NALCN: variants seen among roughly 807,000 people sequenced by gnomAD.
The protein encoded by NALCN is sodium leak channel NALCN.
In NALCN, 111 loss-of-function variants were observed where a neutral mutation model predicts 225.3. That is an observed-to-expected ratio of 0.49 (90% confidence interval 0.42 to 0.58). The LOEUF (loss-of-function observed/expected upper bound fraction) is 0.58. NALCN is among the 20% of genes least tolerant of loss of function. The probability of loss-of-function intolerance (pLI) is 0.00; values close to 1 mark genes in which losing one functional copy is unlikely to be tolerated. For missense variants in NALCN, 1,378 were observed against 2,202.4 expected (o/e 0.63, Z 7.49); for synonymous variants, 764 against 769.0 (o/e 0.99, Z 0.11).
intron 15 of NALCN, among the ~76,000 whole-genome samples, chr13:101,157,014 T>G (rs1211012368): frequency 6.6e-6 from 1 of 152,152 alleles, no homozygotes; most frequent in African/African-American, 2.4e-5. Context: ...ATCCACATAT[T>G]TTATTAAAAA....
At chr13:101,181,579 A>AC (rs1157896561) in intron 14 of NALCN, among the ~76,000 whole-genome samples, 1 of 142,086 alleles carries the variant, frequency 7.0e-6, no homozygotes, top group African/African-American at 2.5e-5. Context: ...CAAAAAAAAA[A>AC]AAAACAAAAA....
chr13:101,160,013 G>A (rs916056758), intron 15 of NALCN, among the ~76,000 whole-genome samples: 9 of 152,010 alleles, frequency 5.9e-5, no homozygotes, highest in South Asian at 2.1e-4. Context: ...GAAGTGCAGC[G>A]GTGCGATCTC....
chr13:101,139,278 T>G (rs1045031475), intron 17 of NALCN, among the ~76,000 whole-genome samples: 1 of 152,210 alleles, frequency 6.6e-6, no homozygotes, highest in East Asian at 1.9e-4. Context: ...TAATGTGCTT[T>G]TGTGTTTTCT....
intron 13 of NALCN, among the ~76,000 whole-genome samples, chr13:101,215,589 G>T (rs1304131457): frequency 1.3e-5 from 2 of 152,186 alleles, no homozygotes; most frequent in East Asian, 3.9e-4. Context: ...TCAGAGGGTT[G>T]TTCCTTAGGG....
intron 17 of NALCN, among the ~76,000 whole-genome samples, chr13:101,139,796 C>G (rs746944708): frequency 6.6e-6 from 1 of 152,122 alleles, no homozygotes; most frequent in Non-Finnish European, 1.5e-5. Context: ...TTTTAAGTGG[C>G]TTTCGGGTTT....
chr13:101,311,228 T>C (rs1459700203), intron 7 of NALCN, among the ~76,000 whole-genome samples: 5 of 151,552 alleles, frequency 3.3e-5, no homozygotes, highest in Non-Finnish European at 7.4e-5. Context: ...GAGACTTTGC[T>C]GAAGTTGCTT....
At chr13:101,136,559 G>GT (rs1425638117) in intron 17 of NALCN, among the ~76,000 whole-genome samples, 3 of 151,358 alleles carry the variant, frequency 2.0e-5, no homozygotes, top group African/African-American at 4.9e-5. Flanking sequence ...GCAGTATTTG[G>GT]TTTTTTGTCC....
chr13:101,271,520 T>C (rs1566511698), intron 10 of NALCN, among the ~76,000 whole-genome samples: 1 of 152,152 alleles, frequency 6.6e-6, no homozygotes, highest in East Asian at 1.9e-4. Context: ...TAACCATTTT[T>C]ATATTCACTT....
intron 10 of NALCN, among the ~76,000 whole-genome samples, chr13:101,270,118 T>C (rs1188178310): frequency 6.6e-6 from 1 of 152,242 alleles, no homozygotes; most frequent in Non-Finnish European, 1.5e-5. Context: ...TGATGTTTTA[T>C]ATTTTTCTCA....
At chr13:101,347,655 G>T (rs1291112644) in intron 6 of NALCN, among the ~76,000 whole-genome samples, 2 of 152,090 alleles carry the variant, frequency 1.3e-5, no homozygotes, top group Non-Finnish European at 2.9e-5. Flanking sequence ...TCAGAGTGAG[G>T]CTTTCTGGGT....
At chr13:101,251,348 T>C (rs545595268) in intron 11 of NALCN, among the ~76,000 whole-genome samples, 1 of 152,122 alleles carries the variant, frequency 6.6e-6, no homozygotes, top group Non-Finnish European at 1.5e-5. Flanking sequence ...TACTTCATAC[T>C]ATTATAAAGC....
At chr13:101,254,705 A>C (rs1251175788) in intron 11 of NALCN, among the ~76,000 whole-genome samples, 3 of 81,080 alleles carry the variant, frequency 3.7e-5, no homozygotes, top group Admixed American at 3.3e-4. Flanking sequence ...TCCCGGCTAA[A>C]ACGGTGAAAC....
intron 15 of NALCN, among the ~76,000 whole-genome samples, chr13:101,157,345 A>G (rs1040509820): frequency 1.3e-5 from 2 of 152,200 alleles, no homozygotes; most frequent in African/African-American, 4.8e-5. Context: ...CCATTCTCCA[A>G]TAAAACAAAT....
intron 11 of NALCN, among the ~76,000 whole-genome samples, chr13:101,250,863 G>C (rs1483949185): frequency 6.6e-6 from 1 of 151,560 alleles, no homozygotes; most frequent in Admixed American, 6.6e-5. Context: ...GATTAAACAG[G>C]CAAAATTATA....
At position 101,258,424 on chromosome 13, in the gene NALCN, A is replaced by G; in HGVS notation, c.1266+19T>C. 1.2e-6 allele frequency: 2 copies of G among 1,613,890 alleles called. No individual in the cohort carries two copies. Among genetic ancestry groups the G allele is most frequent in the Non-Finnish European group, 1.7e-6 (2 of 1,179,948 alleles). On this transcript the variant is annotated intron_variant, in intron 11 of 43. Coordinates refer to ENST00000251127, the MANE Select transcript of NALCN (RefSeq NM_052867.4). ...ACCTGCTCCTTGCCCAGCGATCTGC[A>G]CGGTGGAGAGCTGCTTACCTCCGCC...
intron 40 of NALCN, among the ~76,000 whole-genome samples, chr13:101,064,374 G>A (rs779625509): frequency 2.3e-4 from 35 of 152,078 alleles, no homozygotes; most frequent in Middle Eastern, 3.2e-3. Flanking sequence ...TGGGTTAAAT[G>A]TTTCCTCCCA....
intron 17 of NALCN, chr13:101,142,706 CCT>C (rs770875896): frequency 3.3e-4 from 71 of 216,580 alleles, no homozygotes; most frequent in Middle Eastern, 2.0e-3. Context: ...GCTCTCGTAT[CCT>C]CTCTGATGTA....
intron 11 of NALCN, among the ~76,000 whole-genome samples, chr13:101,257,206 A>ATTTTTTT (rs1344436783): frequency 1.2e-5 from 1 of 81,102 alleles, no homozygotes; most frequent in African/African-American, 4.0e-5. Flanking sequence ...CTTATTGTTT[A>ATTTTTTT]TTGTTTTTTT....
intron 7 of NALCN, among the ~76,000 whole-genome samples, chr13:101,327,341 C>G (rs2044995206): frequency 6.6e-6 from 1 of 151,726 alleles, no homozygotes; most frequent in South Asian, 2.1e-4. Flanking sequence ...TTATTTTTCT[C>G]CTTCTCTGGC....
Sources: allele counts gnomAD v4.1 joint callset (sites outside exome capture counted in the v4.1 genomes callset), GRCh38; gene constraint gnomAD v4.1.1; transcripts MANE v1.5; gene names NCBI Gene and HGNC (gene_info 2026-07-23, HGNC 2026-07-21).